Variants in SHTN1 observed in about 807,000 individuals in gnomAD.
The protein encoded by SHTN1 is shootin 1, also known as shootin-1.
A neutral mutation model predicts 83.1 loss-of-function variants in SHTN1; 42 were observed. The ratio of observed to expected loss-of-function variants is 0.51; its 90% CI spans 0.39 to 0.65. The LOEUF (loss-of-function observed/expected upper bound fraction) is 0.65, where lower values mean the gene tolerates loss of function less well. Ranked by LOEUF, SHTN1 falls within the 30% of genes least tolerant of loss-of-function variation. The pLI is 0.00. For synonymous variants in SHTN1, 224 were observed against 247.7 expected (o/e 0.90, Z 0.90); for missense variants, 622 against 737.8 (o/e 0.84, Z 1.82).
At chr10:116,997,748 C>T (rs1007270890) in intron 1 of SHTN1, among the ~76,000 whole-genome samples, 1 of 152,096 alleles carries the variant, frequency 6.6e-6, no homozygotes, top group African/African-American at 2.4e-5. Context: ...CCCCCTTTTC[C>T]ATATTGTAGT....
intron 12 of SHTN1, 70 bp from the exon 13 acceptor site, chr10:116,915,554 T>C: frequency 1.2e-6 from 1 of 862,440 alleles, no homozygotes; most frequent in Non-Finnish European, 1.9e-6. Context: ...TTTTGGTGAC[T>C]TGGAAAAATT....
At chr10:117,052,295 A>G (rs7094604) in intron 1 of SHTN1, among the ~76,000 whole-genome samples, 2,668 of 152,040 alleles carry the variant, frequency 0.018, 81 homozygotes, top group African/African-American at 0.061. Flanking sequence ...AATAAATGAG[A>G]AGACAATCCA....
At position 116,915,382 on chromosome 10, in the gene SHTN1, TTCGG is replaced by T; in HGVS notation, c.1294_1297del (p.Pro432ArgfsTer17). The T allele has an allele frequency of 6.4e-7, 1 of 1,557,302 alleles. No homozygotes were observed. The highest frequency in any genetic ancestry group is 8.9e-7 in the Non-Finnish European group (1 of 1,128,470). On this transcript the variant is annotated frameshift_variant, in exon 13 of 17. Transcript: ENST00000355371. LOFTEE classifies it high-confidence loss of function. ...CATTCAGTCACTCCATACCTTTGTC[TTCGG>T]TCTGGCTGTCTGATTAACGGGTCTA...
rs146005408 is a variant in SHTN1 at position 117,110,640 on chromosome 10, T to G, written c.-189+15667A>C. ...CCTCCCAAAGTGCTAGGATTACAGG[T>G]GTGAGCCACCGTACCCAGCTGCAAC... On this transcript the variant is annotated intron_variant, in intron 1 of 17. Coordinates refer to the SHTN1 transcript ENST00000392901. 6.3e-4 allele frequency among the ~76,000 whole-genome samples: 95 copies of G among 151,970 alleles called. 2 individuals are homozygous for G. In the South Asian group the frequency reaches 0.013, roughly 21 times the overall value.
chr10:117,121,814 C>T (rs1318455904), intron 1 of SHTN1, among the ~76,000 whole-genome samples: 1 of 151,996 alleles, frequency 6.6e-6, no homozygotes, highest in South Asian at 2.1e-4. Flanking sequence ...TGGCAGATCA[C>T]GAGGTCAGGA....
At chr10:117,042,040 T>C (rs1852591053) in intron 2 of SHTN1, among the ~76,000 whole-genome samples, 1 of 152,206 alleles carries the variant, frequency 6.6e-6, no homozygotes, top group South Asian at 2.1e-4. Flanking sequence ...GTATGTATGT[T>C]AGTGGAGGAA....
intron 1 of SHTN1, among the ~76,000 whole-genome samples, chr10:116,988,437 A>G (rs989496169): frequency 2.6e-5 from 4 of 151,278 alleles, no homozygotes; most frequent in Admixed American, 2.0e-4. Flanking sequence ...TTCAGAATTC[A>G]TGGATGGGCT....
chr10:117,052,416 T>G (rs1355164180), intron 1 of SHTN1, among the ~76,000 whole-genome samples: 1 of 151,878 alleles, frequency 6.6e-6, no homozygotes, highest in East Asian at 1.9e-4. Context: ...TTTGCAGAAA[T>G]AGAGAAGCCA....
At chr10:117,018,396 G>GA (rs56130739) in intron 2 of SHTN1, among the ~76,000 whole-genome samples, 105,556 of 150,882 alleles carry the variant, frequency 0.7, 37,411 homozygotes, top group Middle Eastern at 0.79. Flanking sequence ...AATAGATTTA[G>GA]AAAAAAAGCA....
chr10:117,087,386 T>C (rs1853366062), intron 1 of SHTN1, among the ~76,000 whole-genome samples: 1 of 152,214 alleles, frequency 6.6e-6, no homozygotes, highest in Non-Finnish European at 1.5e-5. Flanking sequence ...AAAGACACCA[T>C]GGTGTTGGAT....
rs1847021624 is a variant in SHTN1, at chr10:116,881,711, G to T, written c.*4633C>A. On this transcript the variant is annotated 3_prime_UTR_variant, in exon 17 of 17. Coordinates refer to ENST00000355371, the MANE Select transcript of SHTN1 (RefSeq NM_001127211.3). The stretch of plus-strand genomic sequence containing the variant: ...GGTTCCAGCCACACCATCAGTATTA[G>T]TAGACCGGGAGGTCTGAAGTACGGC... 1 of 1,390,170 alleles carries T rather than the reference G, an allele frequency of 7.2e-7. No homozygotes were observed. Among genetic ancestry groups the T allele is most frequent in the African/African-American group, 1.5e-5 (1 of 67,786 alleles). 86.1% of individuals were successfully genotyped at this position (1,390,170 alleles called of 1,614,324 possible).
At chr10:116,911,666 C>T (rs141436912) in intron 14 of SHTN1, 124 bp downstream of exon 14, 3 of 1,572,012 alleles carry the variant, frequency 1.9e-6, no homozygotes, top group African/African-American at 2.7e-5. Context: ...ATAAACTGGC[C>T]AAAGATGAGG....
intron 1 of SHTN1, among the ~76,000 whole-genome samples, chr10:117,094,572 T>A (rs74384222): frequency 0.022 from 3,370 of 152,230 alleles, 105 homozygotes; most frequent in African/African-American, 0.072. Context: ...TCTGCTGACA[T>A]CTCAAAGTAT....
At chr10:117,055,539 G>A (rs771798545) in intron 1 of SHTN1, among the ~76,000 whole-genome samples, 2 of 150,816 alleles carry the variant, frequency 1.3e-5, no homozygotes, top group African/African-American at 2.5e-5. Context: ...GCACAACACT[G>A]TGAGTGTACT....
At chr10:117,096,614 T>C (rs1006416480) in intron 1 of SHTN1, among the ~76,000 whole-genome samples, 2 of 152,254 alleles carry the variant, frequency 1.3e-5, no homozygotes, top group African/African-American at 4.8e-5. Context: ...TTCATTAGAC[T>C]TTATCCAAAA....
At chr10:116,898,642 A>G (rs1247640881) in intron 16 of SHTN1, among the ~76,000 whole-genome samples, 2 of 152,194 alleles carry the variant, frequency 1.3e-5, no homozygotes, top group Non-Finnish European at 2.9e-5. Flanking sequence ...GACATAATTA[A>G]CAGGACACAT....
At chr10:116,968,045 G>C (rs1039816542) in intron 3 of SHTN1, among the ~76,000 whole-genome samples, 1 of 152,128 alleles carries the variant, frequency 6.6e-6, no homozygotes, top group African/African-American at 2.4e-5. Context: ...AGCTGGGCAT[G>C]GTGGTGTGCG....
intron 1 of SHTN1, among the ~76,000 whole-genome samples, chr10:117,072,790 G>C (rs180832290): frequency 6.6e-6 from 1 of 152,254 alleles, no homozygotes; most frequent in East Asian, 1.9e-4. Context: ...CTGGTAATAT[G>C]ACAAAACAAG....
chr10:117,078,952 C>A (rs1853207668), intron 1 of SHTN1, among the ~76,000 whole-genome samples: 1 of 151,472 alleles, frequency 6.6e-6, no homozygotes, highest in Non-Finnish European at 1.5e-5. Flanking sequence ...GTAGTGATGG[C>A]CCTGCTTTAA....
Sources: gnomAD v4.1 joint callset for allele counts (sites outside exome capture counted in the v4.1 genomes callset) on GRCh38, gnomAD v4.1.1 for gene constraint, MANE v1.5 for transcripts, NCBI Gene and HGNC (gene_info 2026-07-23, HGNC 2026-07-21) for gene names.